The following AKNA variants were observed in gnomAD, a reference collection of about 807,000 sequenced individuals.
AKNA encodes the protein microtubule organization protein AKNA.
Under a neutral mutation model 138.8 loss-of-function variants are expected in AKNA, and 67 were observed. The observed-to-expected ratio is 0.48, with a 90% CI of 0.40 to 0.59. The LOEUF (loss-of-function observed/expected upper bound fraction) is 0.59, where lower values mean the gene tolerates loss of function less well. AKNA is among the 20% of genes least tolerant of loss of function. AKNA has a pLI of 0.00. For synonymous variants in AKNA, 737 were observed against 754.4 expected (o/e 0.98, Z 0.38); for missense variants, 1,813 against 1,880.4 (o/e 0.96, Z 0.66).
chr9:114,346,093 C>T (rs1301719519), intron 17 of AKNA, 84 bp from the exon 18 acceptor site: 47 of 1,398,856 alleles, frequency 3.4e-5, no homozygotes, highest in Middle Eastern at 1.8e-4. Context: ...TGAGTTTAGG[C>T]TCTGGGGTGG....
At position 114,367,713 on chromosome 9, in the gene AKNA, G is replaced by A. The variant is rs748062271; in HGVS notation, c.1574-16C>T. The A allele has an allele frequency of 6.5e-7, 1 of 1,538,080 alleles. No homozygotes were observed. Among genetic ancestry groups the A allele is most frequent in the South Asian group, 1.2e-5 (1 of 83,088 alleles). On this transcript the variant is annotated splice_polypyrimidine_tract_variant and intron_variant, in intron 5 of 21. Transcript: ENST00000374088. The stretch of plus-strand genomic sequence containing the variant: ...GATGGCCACCCTGGAATACACAACT[G>A]CTGAAAGCTGGGGCCAAGAACAGTC...
chr9:114,369,459 A>C (rs1229769010), intron 4 of AKNA, among the ~76,000 whole-genome samples: 1 of 152,204 alleles, frequency 6.6e-6, no homozygotes, highest in Admixed American at 6.5e-5. Flanking sequence ...GGCCCTTTAC[A>C]GAGAAAGTTT....
intron 16 of AKNA, among the ~76,000 whole-genome samples, 167 bp from the exon 17 acceptor site, chr9:114,346,951 C>T (rs980259843): frequency 1.6e-4 from 24 of 152,200 alleles, no homozygotes; most frequent in African/African-American, 4.8e-4. Flanking sequence ...AATGGCTCTG[C>T]GCCTCTCTGA....
At position 114,335,335 on chromosome 9, in the gene AKNA, C is replaced by A. The variant is rs1375925459; in HGVS notation, c.*1719G>T. On this transcript the variant is annotated 3_prime_UTR_variant, in exon 22 of 22. Coordinates refer to ENST00000374088, the MANE Select transcript of AKNA (RefSeq NM_001317950.2). Reference sequence around the variant, plus strand: ...GGGCAGATGGCCCATTGGAACCCCACTCTCCTCATCAGTAAAAGGGGGGCA... The same window carrying A: ...GGGCAGATGGCCCATTGGAACCCCAATCTCCTCATCAGTAAAAGGGGGGCA... The A allele has an allele frequency of 1.3e-5, 2 of 152,270 alleles. No homozygotes were observed. Among genetic ancestry groups the A allele is most frequent in the Admixed American group, 1.3e-4 (2 of 15,284 alleles). 9.4% of individuals were successfully genotyped at this position (152,270 alleles called of 1,614,324 possible).
intron 8 of AKNA, 39 bp downstream of exon 8, chr9:114,362,367 T>A (rs1262627281): frequency 2.5e-6 from 4 of 1,588,084 alleles, no homozygotes; most frequent in South Asian, 2.3e-5. Flanking sequence ...CAGGGGCCCA[T>A]CCCATCTGTC....
At chr9:114,390,597 T>C (rs545909068), upstream of AKNA, among the ~76,000 whole-genome samples, 63 of 152,366 alleles carry the variant, frequency 4.1e-4, 1 homozygote, top group Middle Eastern at 0.034. Context: ...TGCACCGATG[T>C]GGTCTTCCAA....
Position 114,356,003 on chromosome 9 carries a change from A to C in AKNA, c.2980T>G (p.Tyr994Asp), listed in dbSNP as rs1049725560. ...AGAGGCCCACTTGGGCTGGAGAGGT[A>C]CCTCTGTGCTTGGCTCCGGGGTGTG... ...PSTPRSQAQRYLSSPSGPLRQ... is the reference protein window; with the variant it reads ...PSTPRSQAQRDLSSPSGPLRQ... Residue 994 changes from tyrosine (Y) to aspartate (D), a missense_variant, in exon 14 of 22, where the codon TAC (tyrosine) becomes GAC (aspartate). Physicochemically the swap from Tyr to Asp is radical, Grantham distance 160. Coordinates refer to ENST00000374088, the MANE Select transcript of AKNA (RefSeq NM_001317950.2). 6.2e-7 allele frequency: 1 copy of C among 1,614,076 alleles called. No homozygotes were observed. Among genetic ancestry groups the C allele is most frequent in the Non-Finnish European group, 8.5e-7 (1 of 1,180,012 alleles).
chr9:114,351,102 G>A (rs1393791417), intron 14 of AKNA, 81 bp from the exon 15 acceptor site: 1 of 1,435,530 alleles, frequency 7.0e-7, no homozygotes, highest in African/African-American at 1.4e-5. Context: ...TGGAATGATG[G>A]GGGAAGTGAA....
In AKNA at chr9:114,360,020, A is replaced by G. The variant is rs762621784; in HGVS notation, c.2167T>C (p.Leu723=). The G allele has an allele frequency of 1.2e-6, 2 of 1,614,060 alleles. No individual in the cohort carries two copies. Among genetic ancestry groups the G allele is most frequent in the African/African-American group, 2.7e-5 (2 of 74,926 alleles). ...TAAASTGPCP[L]HVNVEVSSGN... is the part of the protein sequence containing the mutation. Reference sequence around the variant, plus strand: ...GAGCTCACCTCCACATTTACGTGCAATGGGCAGGGGCCAGTGCTGGCGGCG... The same window carrying G: ...GAGCTCACCTCCACATTTACGTGCAGTGGGCAGGGGCCAGTGCTGGCGGCG... Residue 723 remains leucine, a synonymous_variant, in exon 10 of 22, where the codon TTG becomes CTG. Coordinates refer to ENST00000374088, the MANE Select transcript of AKNA (RefSeq NM_001317950.2).
chr9:114,398,281 G>A (rs1201477971), upstream of AKNA, among the ~76,000 whole-genome samples: 1 of 152,188 alleles, frequency 6.6e-6, no homozygotes, highest in African/African-American at 2.4e-5. The surrounding 1 kb of genome is among the most constrained non-coding windows in gnomAD (Gnocchi z 4.2). Flanking sequence ...TGCGCGTGGG[G>A]TTTCCACGTG....
chr9:114,363,759 G>C (rs1832139616), intron 7 of AKNA, among the ~76,000 whole-genome samples: 1 of 152,088 alleles, frequency 6.6e-6, no homozygotes, highest in Admixed American at 6.5e-5. Context: ...AGAGAGACTT[G>C]AGAGTGGGCA....
chr9:114,342,933 C>T (rs1439891651), intron 19 of AKNA, among the ~76,000 whole-genome samples: 1 of 152,208 alleles, frequency 6.6e-6, no homozygotes, highest in Non-Finnish European at 1.5e-5. Flanking sequence ...AACACTAGCA[C>T]AGGAAGAGCA....
intron 21 of AKNA, among the ~76,000 whole-genome samples, chr9:114,340,741 G>A (rs1415851137): frequency 6.6e-6 from 1 of 152,140 alleles, no homozygotes; most frequent in Non-Finnish European, 1.5e-5. Context: ...CTTCTGTCTC[G>A]GCTGCCCTGC....
rs370018181 is a variant in AKNA, at chr9:114,335,248, G to A, written c.*1806C>T. 6 of 152,298 alleles carry A rather than the reference G, an allele frequency of 3.9e-5. No homozygotes were observed. The allele number at this position is 152,298 out of a possible 1,614,324, so 9.4% of individuals were successfully genotyped here. A position where few individuals can be genotyped will look rare whatever the true frequency, so the allele number is the denominator to read the frequency against. ...GGAAGCAAAAAACACACATAACAAA[G>A]AATGTGGACTTTGGGTCAGACCAAT... On this transcript the variant is annotated 3_prime_UTR_variant, in exon 22 of 22. Coordinates refer to ENST00000374088, the MANE Select transcript of AKNA (RefSeq NM_001317950.2).
Position 114,337,013 on chromosome 9 carries a change from G to GGGGGCC in AKNA, c.*40_*41insGGCCCC. 8.4e-7 allele frequency: 1 copy of GGGGGCC among 1,185,362 alleles called. No homozygotes were observed. Among genetic ancestry groups the GGGGGCC allele is most frequent in the Non-Finnish European group, 1.1e-6 (1 of 921,700 alleles). The allele number at this position is 1,185,362 out of a possible 1,614,324, so 73.4% of individuals were successfully genotyped here. ...CCACTCCTGGCCTGGCAGGCCACCT[G>GGGGGCC]CCCACCCACCCACCCATCTGCCTCT... On this transcript the variant is annotated 3_prime_UTR_variant, in exon 22 of 22. Coordinates refer to ENST00000374088, the MANE Select transcript of AKNA (RefSeq NM_001317950.2).
intron 6 of AKNA, among the ~76,000 whole-genome samples, chr9:114,367,252 TC>T (rs1832428358): frequency 6.6e-6 from 1 of 152,072 alleles, no homozygotes; most frequent in Non-Finnish European, 1.5e-5. Flanking sequence ...GCTCAGAGTT[TC>T]CCGGGAGCCA....
Position 114,368,584 on chromosome 9 carries a change from G to A in AKNA, c.1428C>T (p.Phe476=), listed in dbSNP as rs1228503026. ...TGTGGTTGGGCTGGGGTGGGTCAGA[G>A]AACAGGTTCACCTGTGGAAGCAGGG... ...QLRLGAKVNL[F]SDPPQPNHSI... is the part of the protein sequence containing the mutation. The change falls in exon 5 of 22, where the codon TTC becomes TTT. Residue 476 remains phenylalanine (F), a synonymous_variant. Coordinates refer to ENST00000374088, the MANE Select transcript of AKNA (RefSeq NM_001317950.2). The A allele has an allele frequency of 2.2e-6, 3 of 1,389,174 alleles. No individual in the cohort carries two copies. Among genetic ancestry groups the A allele is most frequent in the Non-Finnish European group, 2.8e-6 (3 of 1,065,058 alleles). The allele number at this position is 1,389,174 out of a possible 1,614,324, so 86.1% of individuals were successfully genotyped here. A position where few individuals can be genotyped will look rare whatever the true frequency, so the allele number is the denominator to read the frequency against.
chr9:114,341,476 TA>T, intron 21 of AKNA, 56 bp downstream of exon 21: 1 of 1,604,672 alleles, frequency 6.2e-7, no homozygotes, highest in Non-Finnish European at 8.5e-7. Context: ...GTCTGAATGC[TA>T]ACATATTCAG....
chr9:114,389,330 AAAAG>A (rs1245926600), upstream of AKNA, among the ~76,000 whole-genome samples: 4 of 152,178 alleles, frequency 2.6e-5, no homozygotes, highest in Non-Finnish European at 5.9e-5. Context: ...TCAGGAAACA[AAAAG>A]AAAGAGGAAA....
Sources: allele counts gnomAD v4.1 joint callset (sites outside exome capture counted in the v4.1 genomes callset), GRCh38; gene constraint gnomAD v4.1.1; non-coding constraint Gnocchi (gnomAD v3.1); transcripts MANE v1.5; gene names NCBI Gene and HGNC (gene_info 2026-07-23, HGNC 2026-07-21).